Variants in POR observed in about 807,000 individuals in gnomAD.
POR encodes the protein cytochrome p450 oxidoreductase.
In POR, 56 loss-of-function variants were observed where a neutral mutation model predicts 84.0. The observed-to-expected ratio is 0.67, with a 90% confidence interval of 0.54 to 0.83. The LOEUF (loss-of-function observed/expected upper bound fraction) is 0.83. POR is among the 40% of genes least tolerant of loss of function. The probability of loss-of-function intolerance (pLI) is 0.00; values close to 1 mark genes in which losing one functional copy is unlikely to be tolerated. For missense variants in POR, 938 were observed against 944.3 expected, an observed-to-expected ratio of 0.99 and a Z score of 0.09; for synonymous variants, 414 against 400.5, an observed-to-expected ratio of 1.03 and a Z score of -0.40.
chr7:75,944,225 T>C (rs1787077016), intron 1 of POR, among the ~76,000 whole-genome samples: 1 of 152,092 alleles, frequency 6.6e-6, no homozygotes, highest in South Asian at 2.1e-4. Flanking sequence ...TGACAGACAA[T>C]ATTTAATAAA....
chr7:75,965,662 T>C (rs1788147993), intron 2 of POR, among the ~76,000 whole-genome samples: 1 of 152,192 alleles, frequency 6.6e-6, no homozygotes. Context: ...AAATTAGCCC[T>C]AGTCCTGGCC....
intron 1 of POR, among the ~76,000 whole-genome samples, chr7:75,941,491 G>A (rs935939328): frequency 7.2e-5 from 11 of 152,130 alleles, no homozygotes; most frequent in Non-Finnish European, 1.0e-4. Flanking sequence ...CAGAGCCTCC[G>A]GCATCTGTAC....
Position 75,986,406 on chromosome 7 carries a change from G to T in POR, c.1968G>T (p.Met656Ile), listed in dbSNP as rs377283521. 1.7e-5 allele frequency: 27 copies of T among 1,612,602 alleles called. No homozygotes were observed. The highest frequency in any genetic ancestry group is 1.2e-4 in the African/African-American group (9 of 75,064). The change falls in exon 16 of 16, where the codon ATG (methionine) becomes ATT (isoleucine). Residue 656 changes from methionine to isoleucine, a missense_variant. Physicochemically the swap from Met to Ile is conservative, Grantham distance 10. Transcript: ENST00000461988. ...ACATCGTGGCTGAGCTCGGGGCCAT[G>T]GAGCACGCGCAGGCGGTGGACTACA...
At chr7:75,935,394 C>A (rs1807619958) in intron 1 of POR, among the ~76,000 whole-genome samples, 1 of 152,024 alleles carries the variant, frequency 6.6e-6, no homozygotes, top group Non-Finnish European at 1.5e-5. Flanking sequence ...CTACAGGCAC[C>A]CACCACCATG....
At chr7:75,935,619 T>TTGTGTGTGTGTGTGTGTG (rs57899780) in intron 1 of POR, among the ~76,000 whole-genome samples, 1 of 131,286 alleles carries the variant, frequency 7.6e-6, no homozygotes, top group Non-Finnish European at 1.6e-5. Context: ...TGCTCGGGGC[T>TTGTGTGTGTGTGTGTGTG]TGTGTGTGTG....
chr7:75,949,583 G>A lies in POR; in HGVS notation c.-4-4406G>A, dbSNP rs185734368. Reference sequence around the variant, plus strand: ...GCTGGAGTCTGGAGTGCAGTGGTGTGATCTCAGCTCACTGCAACCTCCGCT... The same window carrying A: ...GCTGGAGTCTGGAGTGCAGTGGTGTAATCTCAGCTCACTGCAACCTCCGCT... On this transcript the variant is annotated intron_variant, in intron 1 of 15. Coordinates refer to ENST00000461988, the MANE Select transcript of POR (RefSeq NM_000941.3). Among the ~76,000 whole-genome samples the A allele has an allele frequency of 1.3e-3, 196 of 151,904 alleles. 1 individual carries two copies. Among genetic ancestry groups the A allele is most frequent in the African/African-American group, 4.6e-3 (190 of 41,446 alleles).
Position 75,923,165 on chromosome 7 carries a change from T to C in POR, c.-5+7986T>C. 4 of 1,104,216 alleles carry C rather than the reference T, an allele frequency of 3.6e-6. No homozygotes were observed. The Admixed American group carries it at 6.8e-5, about 19-fold the overall frequency. 68.4% of individuals were successfully genotyped at this position (1,104,216 alleles called of 1,614,324 possible). A position where few individuals can be genotyped will look rare whatever the true frequency, so the allele number is the denominator to read the frequency against. On this transcript the variant is annotated intron_variant, in intron 1 of 15. Coordinates refer to ENST00000461988, the MANE Select transcript of POR (RefSeq NM_000941.3). ...CTGAAGTCTGTCCAGAAACTCATTT[T>C]GAAACGTAGACAAGCCAAGGTCAAG...
intron 1 of POR, among the ~76,000 whole-genome samples, chr7:75,935,619 TTGTG>T (rs57899780): frequency 0.16 from 21,432 of 130,986 alleles, 1,975 homozygotes; most frequent in Middle Eastern, 0.25. Flanking sequence ...TGCTCGGGGC[TTGTG>T]TGTGTGTGTG....
At chr7:75,965,618 G>A (rs1258093055) in intron 2 of POR, among the ~76,000 whole-genome samples, 2 of 152,128 alleles carry the variant, frequency 1.3e-5, no homozygotes, top group Non-Finnish European at 2.9e-5. Flanking sequence ...CCGATGGGCT[G>A]AATAACCCTG....
At position 75,916,280 on chromosome 7, in the gene POR, C is replaced by T. The variant is rs145006395; in HGVS notation, c.-5+1101C>T. ...GTAAGCAGAACGTTTATGGAACCCTCTGGGGGATCCAGTATCCCCACCGTT... is the reference window on the plus strand; with the variant it reads ...GTAAGCAGAACGTTTATGGAACCCTTTGGGGGATCCAGTATCCCCACCGTT... On this transcript the variant is annotated intron_variant, in intron 1 of 15. Coordinates refer to ENST00000461988, the MANE Select transcript of POR (RefSeq NM_000941.3). Among the ~76,000 whole-genome samples the T allele has an allele frequency of 5.9e-5, 9 of 152,328 alleles. No individual in the cohort carries two copies. In the East Asian group the frequency reaches 1.4e-3, roughly 23 times the overall value.
intron 7 of POR, 106 bp downstream of exon 7, chr7:75,981,712 C>A: frequency 1.1e-6 from 1 of 936,802 alleles, no homozygotes; most frequent in Non-Finnish European, 1.6e-6. Flanking sequence ...GGTTAGAAGA[C>A]ACTCCGTCAT....
intron 1 of POR, among the ~76,000 whole-genome samples, chr7:75,939,581 C>T (rs1807864313): frequency 7.2e-6 from 1 of 138,068 alleles, no homozygotes; most frequent in African/African-American, 2.7e-5. Flanking sequence ...TGCTAGTCTT[C>T]AAAGAACCTC....
At chr7:75,984,699 G>T in intron 10 of POR, 78 bp from the exon 11 acceptor site, 1 of 1,317,586 alleles carries the variant, frequency 7.6e-7, no homozygotes. Context: ...GGCCCAAGGT[G>T]TCACCCCCTC....
At position 75,986,085 on chromosome 7, in the gene POR, C is replaced by T; in HGVS notation, c.1815+17C>T. On this transcript the variant is annotated intron_variant, in intron 14 of 15. Transcript: ENST00000461988. Reference sequence around the variant, plus strand: ...TCCCACAAGGTGAGACGGGCGGGCACCCACGAAGGTGGGCATGAGGCTGGC... The same window carrying T: ...TCCCACAAGGTGAGACGGGCGGGCATCCACGAAGGTGGGCATGAGGCTGGC... 1 of 1,567,630 alleles carries T rather than the reference C, an allele frequency of 6.4e-7. No homozygotes were observed. The highest frequency in any genetic ancestry group is 8.6e-7 in the Non-Finnish European group (1 of 1,157,252).
At position 75,980,342 on chromosome 7, in the gene POR, G is replaced by A. The variant is rs1554557510; in HGVS notation, c.370G>A (p.Asp124Asn). 5.0e-6 allele frequency: 8 copies of A among 1,612,192 alleles called. No individual in the cohort carries two copies. Among genetic ancestry groups the A allele is most frequent in the Non-Finnish European group, 6.8e-6 (8 of 1,179,316 alleles). The change falls in exon 5 of 16, where the codon GAC becomes AAC. Residue 124 changes from aspartate to asparagine, a missense_variant. Coordinates refer to ENST00000461988, the MANE Select transcript of POR (RefSeq NM_000941.3). ...GGTCCTGTCCCTGTTTCTGCAGGCC[G>A]ACCTGAGCAGCCTGCCAGAGATCGA...
intron 2 of POR, among the ~76,000 whole-genome samples, chr7:75,967,281 G>A (rs1168896525): frequency 6.6e-6 from 1 of 152,238 alleles, no homozygotes; most frequent in African/African-American, 2.4e-5. Flanking sequence ...CGAGCCTTGG[G>A]CTTTCGGATG....
intron 1 of POR, among the ~76,000 whole-genome samples, chr7:75,929,752 G>A (rs563222393): frequency 1.8e-4 from 28 of 152,272 alleles, no homozygotes; most frequent in African/African-American, 4.1e-4. Flanking sequence ...CTGTTGGACC[G>A]AAGGAAGCCA....
At chr7:75,971,674 CCAGTG>C (rs1788448537) in intron 2 of POR, among the ~76,000 whole-genome samples, 1 of 152,030 alleles carries the variant, frequency 6.6e-6, no homozygotes, top group Non-Finnish European at 1.5e-5. Flanking sequence ...GAAATGTGGC[CCAGTG>C]CAGGGGAAGC....
chr7:75,963,803 C>T (rs369244907), intron 2 of POR, among the ~76,000 whole-genome samples: 4 of 151,720 alleles, frequency 2.6e-5, no homozygotes, highest in South Asian at 2.1e-4. Flanking sequence ...AGTCAGGGGT[C>T]GTGGGGGGTC....
Sources: gnomAD v4.1 joint callset for allele counts (sites outside exome capture counted in the v4.1 genomes callset) on GRCh38, gnomAD v4.1.1 for gene constraint, MANE v1.5 for transcripts, NCBI Gene and HGNC (gene_info 2026-07-23, HGNC 2026-07-21) for gene names.